The following JMJD1C variants were observed in gnomAD, a reference collection of about 807,000 sequenced individuals.
The protein encoded by JMJD1C is jumonji domain-containing protein 1C.
A neutral mutation model predicts 245.3 loss-of-function variants in JMJD1C; 31 were observed. The ratio of observed to expected loss-of-function variants is 0.13; its 90% CI spans 0.09 to 0.17. The LOEUF is 0.17. JMJD1C is among the 10% of genes least tolerant of loss of function. The pLI is 1.00. For missense variants in JMJD1C, 2,691 were observed against 3,000.2 expected (o/e 0.90, Z 2.41); for synonymous variants, 1,057 against 1,017.4 (o/e 1.04, Z -0.74).
At chr10:63,269,012 A>C (rs1321877385) in intron 2 of JMJD1C, 1 of 985,484 alleles carries the variant, frequency 1.0e-6, no homozygotes, top group Non-Finnish European at 1.2e-6. Flanking sequence ...TGTGGTGTTA[A>C]CGACTAAGAA....
chr10:63,325,967 T>C (rs1015810144), intron 2 of JMJD1C, among the ~76,000 whole-genome samples: 6 of 152,216 alleles, frequency 3.9e-5, no homozygotes, highest in Non-Finnish European at 8.8e-5. Flanking sequence ...ACAGTTGTTT[T>C]TGAATTATAA....
At chr10:63,329,792 TCCC>T (rs1223389961) in intron 2 of JMJD1C, among the ~76,000 whole-genome samples, 1 of 152,220 alleles carries the variant, frequency 6.6e-6, no homozygotes, top group African/African-American at 2.4e-5. Context: ...AAGCCACAGC[TCCC>T]CGTCAGCCAC....
intron 1 of JMJD1C, among the ~76,000 whole-genome samples, chr10:63,394,794 A>T (rs1191215261): frequency 6.6e-6 from 1 of 151,738 alleles, no homozygotes; most frequent in Non-Finnish European, 1.5e-5. Context: ...CAGTGAGCGG[A>T]GATCACGCCA....
intron 2 of JMJD1C, among the ~76,000 whole-genome samples, chr10:63,285,562 C>T (rs1857888748): frequency 6.6e-6 from 1 of 152,124 alleles, no homozygotes; most frequent in African/African-American, 2.4e-5. Context: ...CTGAAGCCTC[C>T]AATCCCAGCA....
intron 1 of JMJD1C, among the ~76,000 whole-genome samples, chr10:63,501,878 T>C (rs1449449022): frequency 6.6e-6 from 1 of 152,056 alleles, no homozygotes; most frequent in African/African-American, 2.4e-5. Context: ...ATGAACAAAC[T>C]GATAATGGTC....
In JMJD1C at chr10:63,223,243, T is replaced by TTC. The variant is rs1848829446; in HGVS notation, c.448-3261_448-3260insGA. ...TTTTCTGTGCTGTTTTTTTTTTTTTTTTTCTGAGACACAGTCTCACTCTCC... is the reference window on the plus strand; with the variant it reads ...TTTTCTGTGCTGTTTTTTTTTTTTTTTCTTTCTGAGACACAGTCTCACTCTCC... On this transcript the variant is annotated intron_variant, in intron 3 of 25. Transcript: ENST00000399262. Among the ~76,000 whole-genome samples the TTC allele has an allele frequency of 2.7e-5, 4 of 149,646 alleles. No homozygotes were observed. The South Asian group carries it at 6.2e-4, about 23-fold the overall frequency.
At chr10:63,318,716 T>C (rs1940430763) in intron 2 of JMJD1C, among the ~76,000 whole-genome samples, 1 of 152,144 alleles carries the variant, frequency 6.6e-6, no homozygotes, top group Admixed American at 6.5e-5. Flanking sequence ...ATTTGAGAAG[T>C]ACTGACCTAG....
At chr10:63,401,457 G>C (rs2132588340) in intron 1 of JMJD1C, among the ~76,000 whole-genome samples, 1 of 152,208 alleles carries the variant, frequency 6.6e-6, no homozygotes, top group East Asian at 1.9e-4. Flanking sequence ...GTATTGCCCA[G>C]GCTGGTCTCG....
intron 1 of JMJD1C, among the ~76,000 whole-genome samples, chr10:63,419,182 T>C (rs1289007098): frequency 6.6e-6 from 1 of 151,308 alleles, no homozygotes; most frequent in African/African-American, 2.4e-5. Context: ...GGTCAGGAGT[T>C]CGAGACCAGC....
chr10:63,363,878 C>CA (rs1238106816), intron 2 of JMJD1C, among the ~76,000 whole-genome samples: 2 of 133,836 alleles, frequency 1.5e-5, no homozygotes, highest in South Asian at 2.4e-4. Context: ...TTTTTTGAGA[C>CA]AGAGTCTCAC....
chr10:63,395,375 G>T (rs372937324), intron 1 of JMJD1C, among the ~76,000 whole-genome samples: 4 of 152,162 alleles, frequency 2.6e-5, no homozygotes, highest in African/African-American at 9.7e-5. Context: ...CTACTCAGGA[G>T]GCTGAGGCAG....
intron 1 of JMJD1C, among the ~76,000 whole-genome samples, chr10:63,460,980 G>A (rs923024229): frequency 2.6e-5 from 4 of 152,110 alleles, no homozygotes; most frequent in African/African-American, 9.7e-5. Context: ...ATATGTGCCA[G>A]AACATATAGA....
chr10:63,212,407 T>C (rs1041956018), intron 8 of JMJD1C, among the ~76,000 whole-genome samples: 1 of 152,176 alleles, frequency 6.6e-6, no homozygotes, highest in Admixed American at 6.5e-5. Flanking sequence ...AAGGACAAGG[T>C]TGTCTCCTCG....
At chr10:63,172,009 A>G (rs746243730) in intron 24 of JMJD1C, among the ~76,000 whole-genome samples, 8 of 152,202 alleles carry the variant, frequency 5.3e-5, no homozygotes, top group Non-Finnish European at 7.3e-5. Context: ...GAGTATAAAG[A>G]GCTGTGTTGT....
rs376805557 is a variant in JMJD1C at position 63,214,469 on chromosome 10, G to A, written c.1698C>T (p.Val566=). The A allele has an allele frequency of 1.0e-4, 161 of 1,613,830 alleles. No homozygotes were observed. Among genetic ancestry groups the A allele is most frequent in the Non-Finnish European group, 1.4e-4 (160 of 1,179,998 alleles). Residue 566 remains valine, a synonymous_variant, in exon 8 of 26, where the codon GTC becomes GTT. Coordinates refer to ENST00000399262, the MANE Select transcript of JMJD1C (RefSeq NM_032776.3). ...TTAGATCCACTTTAACTACATCACT[G>A]ACCCAGCTCTGGTCAGAATCTTTTT... ...TAKKDSDQSW[V]SDVVKVDLTQ...
At chr10:63,204,800 C>G (rs943541946) in intron 10 of JMJD1C, 1 of 985,268 alleles carries the variant, frequency 1.0e-6, no homozygotes, top group African/African-American at 1.7e-5. Flanking sequence ...TCTGACTGTC[C>G]TTTTCTATGA....
At chr10:63,453,965 C>T (rs371729049) in intron 1 of JMJD1C, among the ~76,000 whole-genome samples, 2 of 152,140 alleles carry the variant, frequency 1.3e-5, no homozygotes, top group African/African-American at 4.8e-5. Flanking sequence ...TCAGGTGATC[C>T]GCTCGCCTCA....
At chr10:63,495,852 G>A (rs1025006592) in intron 1 of JMJD1C, among the ~76,000 whole-genome samples, 1 of 151,564 alleles carries the variant, frequency 6.6e-6, no homozygotes, top group East Asian at 1.9e-4. Context: ...AACAAAAAGT[G>A]AGCAGAGGAA....
chr10:63,323,862 T>C (rs539981009), intron 2 of JMJD1C, among the ~76,000 whole-genome samples: 35 of 152,234 alleles, frequency 2.3e-4, no homozygotes, highest in African/African-American at 7.5e-4. Flanking sequence ...GCTCATTATC[T>C]CATATGATTA....
Sources: gnomAD v4.1 joint callset for allele counts (sites outside exome capture counted in the v4.1 genomes callset) on GRCh38, gnomAD v4.1.1 for gene constraint, MANE v1.5 for transcripts, NCBI Gene and HGNC (gene_info 2026-07-23, HGNC 2026-07-21) for gene names.